GPR158: variants seen among roughly 807,000 people sequenced by gnomAD.
GPR158 encodes metabotropic glycine receptor.
Under a neutral mutation model 78.2 loss-of-function variants are expected in GPR158, and 30 were observed. The ratio of observed to expected loss-of-function variants is 0.38; its 90% CI spans 0.29 to 0.52. The LOEUF (loss-of-function observed/expected upper bound fraction) is 0.52, where lower values mean the gene tolerates loss of function less well. Ranked by LOEUF, GPR158 falls within the 20% of genes least tolerant of loss-of-function variation. The pLI, the probability that GPR158 is intolerant of heterozygous loss-of-function variation, is 0.83. For missense variants in GPR158, 1,463 were observed against 1,523.5 expected (o/e 0.96, Z 0.66); for synonymous variants, 581 against 591.1 (o/e 0.98, Z 0.25).
At chr10:25,540,513 T>G (rs970380564) in intron 5 of GPR158, among the ~76,000 whole-genome samples, 6 of 152,156 alleles carry the variant, frequency 3.9e-5, no homozygotes, top group Non-Finnish European at 7.3e-5. Context: ...TGTGGCACTA[T>G]TCACAATAGC....
At chr10:25,446,612 G>A (rs754281383) in intron 4 of GPR158, among the ~76,000 whole-genome samples, 11 of 152,046 alleles carry the variant, frequency 7.2e-5, no homozygotes, top group African/African-American at 1.2e-4. Context: ...TTGTGTTAAC[G>A]GCTAGAAGTG....
At chr10:25,586,602 A>G (rs1837272377) in intron 7 of GPR158, among the ~76,000 whole-genome samples, 1 of 151,824 alleles carries the variant, frequency 6.6e-6, no homozygotes. Context: ...TAGTAGAGAC[A>G]GGGTTTCACC....
intron 2 of GPR158, among the ~76,000 whole-genome samples, chr10:25,388,255 C>A (rs1834248221): frequency 6.6e-6 from 1 of 152,210 alleles, no homozygotes; most frequent in Non-Finnish European, 1.5e-5. Flanking sequence ...GTCATTATGC[C>A]AGCTGCATTG....
intron 2 of GPR158, among the ~76,000 whole-genome samples, chr10:25,325,085 C>G (rs1244000181): frequency 2.0e-5 from 3 of 151,938 alleles, no homozygotes; most frequent in African/African-American, 7.3e-5. Flanking sequence ...CTCAAGTGAT[C>G]CTCCCACCTT....
intron 2 of GPR158, among the ~76,000 whole-genome samples, chr10:25,337,133 G>A (rs1478198115): frequency 1.3e-5 from 2 of 152,010 alleles, no homozygotes; most frequent in Admixed American, 6.6e-5. Flanking sequence ...TACAGTGTTA[G>A]CAATACTTTG....
intron 5 of GPR158, among the ~76,000 whole-genome samples, chr10:25,544,695 AAT>A (rs1364113560): frequency 1.3e-5 from 2 of 152,166 alleles, no homozygotes; most frequent in African/African-American, 4.8e-5. Context: ...AATTTGTTAA[AAT>A]ATATGTTTAT....
intron 5 of GPR158, among the ~76,000 whole-genome samples, chr10:25,523,410 C>T (rs1391841638): frequency 6.6e-6 from 1 of 152,202 alleles, no homozygotes; most frequent in Non-Finnish European, 1.5e-5. Flanking sequence ...AGCCTGAGTC[C>T]TTGACTGCAG....
intron 5 of GPR158, among the ~76,000 whole-genome samples, chr10:25,514,791 C>G (rs570256140): frequency 4.6e-5 from 7 of 152,198 alleles, no homozygotes; most frequent in Admixed American, 3.9e-4. Context: ...TTGCTGGATA[C>G]AAAATTCTTG....
intron 4 of GPR158, among the ~76,000 whole-genome samples, chr10:25,433,570 T>TGTGTGTGTGTGC (rs1554803626): frequency 0.082 from 10,301 of 126,258 alleles, 588 homozygotes; most frequent in Non-Finnish European, 0.12. Context: ...TGTGTGTGTG[T>TGTGTGTGTGTGC]GCGCGCGCGC....
chr10:25,404,074 C>T (rs988252087), intron 3 of GPR158, among the ~76,000 whole-genome samples: 3 of 152,068 alleles, frequency 2.0e-5, no homozygotes, highest in Non-Finnish European at 4.4e-5. Flanking sequence ...CATATGTTCT[C>T]TTTTCCTAGA....
intron 1 of GPR158, among the ~76,000 whole-genome samples, chr10:25,197,462 G>T (rs944083609): frequency 1.3e-5 from 2 of 152,116 alleles, no homozygotes; most frequent in African/African-American, 4.8e-5. Context: ...TATCAGCTTT[G>T]TAATTTGACT....
chr10:25,246,447 A>C (rs1853690595), intron 2 of GPR158, among the ~76,000 whole-genome samples: 1 of 152,178 alleles, frequency 6.6e-6, no homozygotes, highest in Non-Finnish European at 1.5e-5. Flanking sequence ...TGATTTTTCA[A>C]ATCTCCAATC....
At chr10:25,364,200 T>C (rs540393131) in intron 2 of GPR158, among the ~76,000 whole-genome samples, 88 of 152,026 alleles carry the variant, frequency 5.8e-4, no homozygotes, top group South Asian at 2.9e-3. Context: ...GGGACTTTAA[T>C]TAAAGCATAT....
chr10:25,201,128 A>G (rs1294737544), intron 1 of GPR158, among the ~76,000 whole-genome samples: 4 of 151,868 alleles, frequency 2.6e-5, no homozygotes, highest in African/African-American at 9.7e-5. Flanking sequence ...GATTCTTCCT[A>G]TCCATGAGCA....
intron 1 of GPR158, among the ~76,000 whole-genome samples, chr10:25,188,843 G>C (rs1588725342): frequency 6.6e-6 from 1 of 152,130 alleles, no homozygotes; most frequent in South Asian, 2.1e-4. Context: ...AGAGTGAACA[G>C]GCAACCTACA....
In GPR158 at chr10:25,453,928, T is replaced by G. The variant is rs1294970108; in HGVS notation, c.1336-12723T>G. On this transcript the variant is annotated intron_variant, in intron 4 of 10. Coordinates refer to ENST00000376351, the MANE Select transcript of GPR158 (RefSeq NM_020752.3). ...AGCTGTTTTGGGGTCTTTTGTGGTT[T>G]ACATGCATTTTTGGATTTTGTTTCT... 1.3e-5 allele frequency among the ~76,000 whole-genome samples: 2 copies of G among 152,310 alleles called. 1 individual carries two copies. Among genetic ancestry groups the G allele is most frequent in the Non-Finnish European group, 2.9e-5 (2 of 68,008 alleles).
At chr10:25,554,016 T>G (rs1243002490) in intron 6 of GPR158, among the ~76,000 whole-genome samples, 1 of 152,062 alleles carries the variant, frequency 6.6e-6, no homozygotes, top group East Asian at 1.9e-4. Flanking sequence ...ACAGAACCAA[T>G]GGATTTCGCT....
intron 1 of GPR158, among the ~76,000 whole-genome samples, chr10:25,186,855 C>T (rs370738653): frequency 1.3e-5 from 2 of 152,186 alleles, no homozygotes; most frequent in African/African-American, 4.8e-5. Flanking sequence ...AAGAGGGAAT[C>T]CTCCCTAACT....
At chr10:25,372,987 A>G (rs7901895) in intron 2 of GPR158, among the ~76,000 whole-genome samples, 121,933 of 151,914 alleles carry the variant, frequency 0.8, 49,928 homozygotes, top group Non-Finnish European at 0.86. Context: ...CTGTCATAAA[A>G]ACACATGCAT....
Sources: allele counts gnomAD v4.1 joint callset (sites outside exome capture counted in the v4.1 genomes callset), GRCh38; gene constraint gnomAD v4.1.1; transcripts MANE v1.5; gene names NCBI Gene and HGNC (gene_info 2026-07-23, HGNC 2026-07-21).